Variants in STON2 observed in about 807,000 individuals in gnomAD.
STON2 encodes stonin-2.
A neutral mutation model predicts 65.7 loss-of-function variants in STON2; 29 were observed. That is an observed-to-expected ratio of 0.44 (90% CI 0.33 to 0.60). The LOEUF is 0.60. STON2 is among the 20% of genes least tolerant of loss of function. The pLI, the probability that STON2 is intolerant of heterozygous loss-of-function variation, is 0.03. For missense variants in STON2, 1,054 were observed against 1,118.1 expected, an observed-to-expected ratio of 0.94 and a Z score of 0.82; for synonymous variants, 404 against 414.2, an observed-to-expected ratio of 0.98 and a Z score of 0.30.
chr14:81,298,360 G>C (rs1194171459), intron 5 of STON2, among the ~76,000 whole-genome samples: 1 of 145,886 alleles, frequency 6.9e-6, no homozygotes, highest in East Asian at 2.2e-4. Flanking sequence ...CCACAGACTA[G>C]TCTGAGGGAG....
At chr14:81,332,987 T>G (rs1897261775) in intron 4 of STON2, 2 of 516,186 alleles carry the variant, frequency 3.9e-6, no homozygotes, top group Non-Finnish European at 7.1e-6. Context: ...ACACCAACTT[T>G]GGCCTTTGCA....
At chr14:81,383,958 T>G (rs568715754) in intron 3 of STON2, among the ~76,000 whole-genome samples, 1 of 152,274 alleles carries the variant, frequency 6.6e-6, no homozygotes, top group Admixed American at 6.5e-5. Flanking sequence ...CACCTCCTTG[T>G]CTTCTCTCCA....
intron 1 of STON2, among the ~76,000 whole-genome samples, chr14:81,427,731 G>A (rs1489329314): frequency 2.6e-5 from 4 of 151,984 alleles, no homozygotes; most frequent in Non-Finnish European, 5.9e-5. Context: ...AAAAAAGAGA[G>A]AGAGAAAAAA....
In STON2 at chr14:81,262,845, G is replaced by A. The variant is rs956173567; in HGVS notation, c.*5569C>T. ...ATACATACATTTGTTTTCTACATTT[G>A]TGGTTGCCTTATACATCTCCTTCAC... On this transcript the variant is annotated 3_prime_UTR_variant, in exon 8 of 8. Transcript: ENST00000614646. 1.0e-6 allele frequency: 1 copy of A among 985,200 alleles called. No individual in the cohort carries two copies. Among genetic ancestry groups the A allele is most frequent in the Non-Finnish European group, 1.2e-6 (1 of 829,748 alleles). 61.0% of individuals were successfully genotyped at this position (985,200 alleles called of 1,614,324 possible).
intron 2 of STON2, among the ~76,000 whole-genome samples, chr14:81,419,325 G>A (rs1595466609): frequency 6.6e-6 from 1 of 152,210 alleles, no homozygotes. Context: ...CACACAAGTA[G>A]TAAGTGGCAA....
chr14:81,366,254 T>C (rs552088847), intron 4 of STON2, among the ~76,000 whole-genome samples: 1 of 152,290 alleles, frequency 6.6e-6, no homozygotes, highest in South Asian at 2.1e-4. Flanking sequence ...TCCACGATTA[T>C]GCTGGGAACT....
chr14:81,335,593 G>A (rs1050492211), intron 4 of STON2, among the ~76,000 whole-genome samples: 1 of 152,158 alleles, frequency 6.6e-6, no homozygotes, highest in African/African-American at 2.4e-5. Context: ...CACCTACAAG[G>A]GAGACAGAGG....
Position 81,261,649 on chromosome 14 carries a change from A to G in STON2, c.*6765T>C. 1.2e-6 allele frequency: 1 copy of G among 851,516 alleles called. No individual in the cohort carries two copies. Among genetic ancestry groups the G allele is most frequent in the Non-Finnish European group, 1.6e-6 (1 of 632,394 alleles). The allele number at this position is 851,516 out of a possible 1,614,324, so 52.7% of individuals were successfully genotyped here. On this transcript the variant is annotated 3_prime_UTR_variant, in exon 8 of 8. Transcript: ENST00000614646. ...TTCAATTTTCACAATATTTTATACA[A>G]AATGACAAATATATATATACCTCAT...
intron 5 of STON2, among the ~76,000 whole-genome samples, chr14:81,288,234 C>T (rs1014797319): frequency 3.3e-5 from 5 of 152,086 alleles, no homozygotes; most frequent in Non-Finnish European, 7.4e-5. Flanking sequence ...TAGAGTGTAT[C>T]GCCATTGTTG....
chr14:81,417,598 A>C (rs1372523345), intron 2 of STON2, among the ~76,000 whole-genome samples: 1 of 152,190 alleles, frequency 6.6e-6, no homozygotes, highest in Non-Finnish European at 1.5e-5. Context: ...CTGTGCAATT[A>C]ATTGGAGACA....
chr14:81,317,162 T>C (rs535792069), intron 5 of STON2, among the ~76,000 whole-genome samples: 1 of 152,306 alleles, frequency 6.6e-6, no homozygotes, highest in South Asian at 2.1e-4. Context: ...AGAAGGCATG[T>C]CACGTGGCAA....
At chr14:81,414,025 G>C (rs1461412003) in intron 2 of STON2, among the ~76,000 whole-genome samples, 1 of 138,720 alleles carries the variant, frequency 7.2e-6, no homozygotes, top group Non-Finnish European at 1.5e-5. Flanking sequence ...TGGAGATGAA[G>C]AGAAAGAGAT....
chr14:81,357,576 T>C (rs1161393923), intron 4 of STON2, among the ~76,000 whole-genome samples: 3 of 152,080 alleles, frequency 2.0e-5, no homozygotes, highest in South Asian at 2.1e-4. Flanking sequence ...CTATAAATCA[T>C]GCTGCTATAA....
At chr14:81,404,016 G>T (rs948858637), upstream of STON2, among the ~76,000 whole-genome samples, 2 of 152,104 alleles carry the variant, frequency 1.3e-5, no homozygotes, top group African/African-American at 4.8e-5. Flanking sequence ...CTTAGAATAG[G>T]GTATGGCTTT....
rs73339732 is a variant in STON2 at position 81,348,713 on chromosome 14, G to A, written c.571+22275C>T. Reference sequence around the variant, plus strand: ...GAGTCAATGTAATCCCTATCAAAACGCCAATGACATTCTTCTCAAAAATAG... The same window carrying A: ...GAGTCAATGTAATCCCTATCAAAACACCAATGACATTCTTCTCAAAAATAG... On this transcript the variant is annotated intron_variant, in intron 4 of 7. Transcript: ENST00000614646. Among the ~76,000 whole-genome samples, 699 of 152,056 alleles carry A rather than the reference G, an allele frequency of 4.6e-3. 3 individuals carry two copies. Among genetic ancestry groups the A allele is most frequent in the African/African-American group, 0.016 (670 of 41,510 alleles).
At chr14:81,326,446 G>A (rs1897007197) in intron 4 of STON2, among the ~76,000 whole-genome samples, 1 of 152,146 alleles carries the variant, frequency 6.6e-6, no homozygotes, top group Non-Finnish European at 1.5e-5. Flanking sequence ...AGAAGATTGT[G>A]TGGATCTTCT....
intron 2 of STON2, among the ~76,000 whole-genome samples, chr14:81,425,677 A>G (rs545253896): frequency 6.6e-6 from 1 of 152,210 alleles, no homozygotes; most frequent in South Asian, 2.1e-4. Flanking sequence ...TATTATACGT[A>G]ATACTAAAAC....
At chr14:81,329,327 C>T (rs1460239620) in intron 4 of STON2, among the ~76,000 whole-genome samples, 6 of 151,890 alleles carry the variant, frequency 4.0e-5, no homozygotes, top group African/African-American at 9.7e-5. Flanking sequence ...TGGTGGCAGG[C>T]GCCTGTAGTC....
intron 4 of STON2, among the ~76,000 whole-genome samples, chr14:81,330,166 C>T (rs116149934): frequency 0.013 from 2,017 of 152,300 alleles, 49 homozygotes; most frequent in African/African-American, 0.047. Flanking sequence ...GTTATTCAAC[C>T]ATGCCAAGCC....
Sources: allele counts gnomAD v4.1 joint callset (sites outside exome capture counted in the v4.1 genomes callset), GRCh38; gene constraint gnomAD v4.1.1; transcripts MANE v1.5; gene names NCBI Gene and HGNC (gene_info 2026-07-23, HGNC 2026-07-21).